Variants in RBM20 observed in about 807,000 individuals in gnomAD.
The protein encoded by RBM20 is RNA-binding protein 20.
Under a neutral mutation model 110.1 loss-of-function variants are expected in RBM20, and 51 were observed. That is an observed-to-expected ratio of 0.46 (90% CI 0.37 to 0.59). The LOEUF (loss-of-function observed/expected upper bound fraction) is 0.59. Among genes scored for constraint, RBM20 ranks in the 20% least tolerant of loss-of-function variants. RBM20 has a pLI of 0.00. For synonymous variants in RBM20, 589 were observed against 618.2 expected, an observed-to-expected ratio of 0.95 and a Z score of 0.70; for missense variants, 1,512 against 1,574.9, an observed-to-expected ratio of 0.96 and a Z score of 0.68.
intron 1 of RBM20, among the ~76,000 whole-genome samples, chr10:110,709,764 G>A (rs1000750788): frequency 6.6e-6 from 1 of 151,626 alleles, no homozygotes; most frequent in African/African-American, 2.4e-5. Flanking sequence ...GAGATGGGGG[G>A]TCTCATTTTG....
At chr10:110,700,764 C>G (rs1016149310) in intron 1 of RBM20, among the ~76,000 whole-genome samples, 6 of 152,172 alleles carry the variant, frequency 3.9e-5, no homozygotes, top group Non-Finnish European at 7.4e-5. Flanking sequence ...CCCTGTCATC[C>G]TAGCACTTTG....
intron 1 of RBM20, among the ~76,000 whole-genome samples, chr10:110,718,504 AT>A (rs1242064869): frequency 1.6e-5 from 2 of 121,722 alleles, no homozygotes; most frequent in African/African-American, 6.2e-5. Context: ...AGTTTGTTTT[AT>A]TTTTTAGCAT....
At chr10:110,767,219 C>T (rs1291077306) in intron 1 of RBM20, among the ~76,000 whole-genome samples, 2 of 138,174 alleles carry the variant, frequency 1.4e-5, no homozygotes, top group African/African-American at 5.4e-5. Flanking sequence ...GGGGGCTGAC[C>T]CCCCCACCTC....
intron 1 of RBM20, among the ~76,000 whole-genome samples, chr10:110,698,040 T>C (rs1489325955): frequency 6.6e-6 from 1 of 151,984 alleles, no homozygotes; most frequent in African/African-American, 2.4e-5. Context: ...CCCGAGTAGC[T>C]GGGACTACAG....
intron 1 of RBM20, among the ~76,000 whole-genome samples, chr10:110,766,965 A>C (rs1590664120): frequency 8.5e-6 from 1 of 118,268 alleles, no homozygotes; most frequent in Admixed American, 8.7e-5. Context: ...TGACCCCCCC[A>C]CCTCCCTCCC....
chr10:110,685,092 G>C (rs1862483173), intron 1 of RBM20, among the ~76,000 whole-genome samples: 1 of 152,244 alleles, frequency 6.6e-6, no homozygotes, highest in Non-Finnish European at 1.5e-5. Context: ...CCAGCTGTTG[G>C]CCGTAGGGGC....
chr10:110,691,098 C>T (rs1037687221), intron 1 of RBM20, among the ~76,000 whole-genome samples: 3 of 152,142 alleles, frequency 2.0e-5, no homozygotes, highest in East Asian at 1.9e-4. Flanking sequence ...AGAAGAGACA[C>T]GAAAGAGCTT....
chr10:110,668,607 G>GA lies in RBM20; in HGVS notation c.191+23972dup, dbSNP rs11300793. Reference sequence around the variant, plus strand: ...GGACAACAGGTGGAGGGAGGGAGAGGAAAAAAAAAACTGAACAAGTGTCGT... The same window carrying GA: ...GGACAACAGGTGGAGGGAGGGAGAGGAAAAAAAAAAACTGAACAAGTGTCGT... On this transcript the variant is annotated intron_variant, in intron 1 of 13. Transcript: ENST00000369519. 3.3e-5 allele frequency among the ~76,000 whole-genome samples: 5 copies of GA among 150,316 alleles called. No individual in the cohort carries two copies. The East Asian group carries it at 5.9e-4, about 18-fold the overall frequency.
chr10:110,701,853 C>A (rs780147088), intron 1 of RBM20, among the ~76,000 whole-genome samples: 1 of 152,218 alleles, frequency 6.6e-6, no homozygotes, highest in African/African-American at 2.4e-5. Flanking sequence ...TGGCCAGGAT[C>A]TGTAAGAGCC....
At chr10:110,710,693 C>A (rs1862913615) in intron 1 of RBM20, among the ~76,000 whole-genome samples, 1 of 152,238 alleles carries the variant, frequency 6.6e-6, no homozygotes, top group Non-Finnish European at 1.5e-5. Flanking sequence ...CCAAAGTTTT[C>A]TGTGCAGATA....
chr10:110,796,247 C>T (rs1315893686), intron 5 of RBM20, among the ~76,000 whole-genome samples: 1 of 152,206 alleles, frequency 6.6e-6, no homozygotes, highest in Non-Finnish European at 1.5e-5. Context: ...ATATATGCTG[C>T]ACATCTTTGT....
intron 1 of RBM20, among the ~76,000 whole-genome samples, chr10:110,678,219 C>A (rs979792197): frequency 1.3e-5 from 2 of 152,276 alleles, no homozygotes; most frequent in Non-Finnish European, 2.9e-5. Context: ...CCACACAAAA[C>A]AAATCCCTAT....
chr10:110,671,743 A>T (rs1425674036), intron 1 of RBM20, among the ~76,000 whole-genome samples: 1 of 152,110 alleles, frequency 6.6e-6, no homozygotes, highest in Non-Finnish European at 1.5e-5. Context: ...TAAGATATAT[A>T]TATATATGTA....
intron 1 of RBM20, among the ~76,000 whole-genome samples, chr10:110,677,221 A>T (rs1862351829): frequency 6.6e-6 from 1 of 152,078 alleles, no homozygotes; most frequent in Admixed American, 6.5e-5. Flanking sequence ...TCTCATAATA[A>T]CCCATTAATC....
intron 1 of RBM20, among the ~76,000 whole-genome samples, chr10:110,741,542 C>A (rs921450853): frequency 6.6e-6 from 1 of 152,168 alleles, no homozygotes; most frequent in East Asian, 1.9e-4. Flanking sequence ...TTTCCCTCAC[C>A]TCTACCCCAT....
chr10:110,726,461 C>T (rs899275269), intron 1 of RBM20, among the ~76,000 whole-genome samples: 3 of 152,154 alleles, frequency 2.0e-5, no homozygotes, highest in African/African-American at 7.2e-5. Context: ...TACTCTGCAC[C>T]CAATGAGAGT....
intron 1 of RBM20, among the ~76,000 whole-genome samples, chr10:110,662,988 A>G (rs552378346): frequency 1.3e-5 from 2 of 151,854 alleles, no homozygotes; most frequent in East Asian, 3.9e-4. Context: ...TTTTTAAGAC[A>G]GAGTCTCACA....
At chr10:110,659,384 C>A (rs956248961) in intron 1 of RBM20, among the ~76,000 whole-genome samples, 5 of 152,140 alleles carry the variant, frequency 3.3e-5, no homozygotes, top group Non-Finnish European at 7.3e-5. Context: ...TAAAGGGGGA[C>A]CAGGGTATGG....
At chr10:110,802,804 A>G (rs11195332) in intron 7 of RBM20, among the ~76,000 whole-genome samples, 19,709 of 152,098 alleles carry the variant, frequency 0.13, 1,369 homozygotes, top group African/African-American at 0.16. Context: ...TGGGAGAAAA[A>G]GCAAATAAAC....
Sources: gnomAD v4.1 joint callset for allele counts (sites outside exome capture counted in the v4.1 genomes callset) on GRCh38, gnomAD v4.1.1 for gene constraint, MANE v1.5 for transcripts, NCBI Gene and HGNC (gene_info 2026-07-23, HGNC 2026-07-21) for gene names.